The following RARRES1 variants were observed in gnomAD, a reference collection of about 807,000 sequenced individuals.
The protein encoded by RARRES1 is retinoic acid receptor responder 1, also known as retinoic acid receptor responder protein 1.
RARRES1 carries 34 observed loss-of-function variants against 30.6 expected under a neutral mutation model. The ratio of observed to expected loss-of-function variants is 1.11; its 90% CI spans 0.84 to 1.48. RARRES1 has a LOEUF of 1.48. Among genes scored for constraint, RARRES1 ranks in the 40% most tolerant of loss-of-function variants. The pLI is 0.00. For missense variants in RARRES1, 373 were observed against 386.5 expected (o/e 0.97, Z 0.29); for synonymous variants, 153 against 155.5 (o/e 0.98, Z 0.12).
rs551887608 is a variant in RARRES1 at position 158,732,230 on chromosome 3, CGCCTGCTGCAGGA to C, written c.173_185del (p.Leu58ArgfsTer82). The C allele has an allele frequency of 3.6e-4, 500 of 1,400,694 alleles. 1 individual carries two copies. The East Asian group carries it at 9.0e-3, about 25-fold the overall frequency. 86.8% of individuals were successfully genotyped at this position (1,400,694 alleles called of 1,614,324 possible). Reference sequence around the variant, plus strand: ...TGAAGAAGTGAAGCGCCGCGCGCGCCGCCTGCTGCAGGAGCCTGCGCGGGACCCCAGCATCCTG... The same window carrying C: ...TGAAGAAGTGAAGCGCCGCGCGCGCCGCCTGCGCGGGACCCCAGCATCCTG... On this transcript the variant is annotated frameshift_variant, in exon 1 of 6. Coordinates refer to ENST00000237696, the MANE Select transcript of RARRES1 (RefSeq NM_206963.2). LOFTEE classifies it high-confidence loss of function.
At chr3:158,722,694 A>C (rs1727555891) in intron 1 of RARRES1, among the ~76,000 whole-genome samples, 1 of 152,056 alleles carries the variant, frequency 6.6e-6, no homozygotes, top group Non-Finnish European at 1.5e-5. Context: ...CATCCTGGCT[A>C]ACATGGTGAA....
At chr3:158,698,089 C>G (rs1356328386) in intron 4 of RARRES1, 119 bp from the exon 5 acceptor site, 10 of 690,098 alleles carry the variant, frequency 1.4e-5, no homozygotes, top group Admixed American at 3.4e-5. Context: ...TCGATTTCAG[C>G]CTCACGGTTT....
At chr3:158,699,434 A>AC (rs139216148) in intron 4 of RARRES1, among the ~76,000 whole-genome samples, 60,462 of 137,292 alleles carry the variant, frequency 0.44, 12,642 homozygotes, top group South Asian at 0.47. Context: ...CAAAAAAGCA[A>AC]CCCCCCCCCC....
At chr3:158,710,005 T>C (rs1046069678) in intron 3 of RARRES1, among the ~76,000 whole-genome samples, 2 of 152,218 alleles carry the variant, frequency 1.3e-5, no homozygotes, top group African/African-American at 4.8e-5. Context: ...AGTGTAAGGC[T>C]GTGATGAGCA....
At chr3:158,727,199 G>A (rs1727722384) in intron 1 of RARRES1, among the ~76,000 whole-genome samples, 1 of 152,210 alleles carries the variant, frequency 6.6e-6, no homozygotes, top group South Asian at 2.1e-4. Flanking sequence ...AATGACCAGT[G>A]CAGACTGGAA....
At chr3:158,711,452 C>T (rs1432341401) in intron 2 of RARRES1, among the ~76,000 whole-genome samples, 1 of 152,136 alleles carries the variant, frequency 6.6e-6, no homozygotes, top group Non-Finnish European at 1.5e-5. Flanking sequence ...CAGGGCTTGA[C>T]CTCACTTCTA....
At chr3:158,707,513 A>G (rs1443935772) in intron 3 of RARRES1, among the ~76,000 whole-genome samples, 5 of 152,184 alleles carry the variant, frequency 3.3e-5, no homozygotes, top group Non-Finnish European at 5.9e-5. Context: ...CAAGGGTATA[A>G]AAGGAGTCTT....
At chr3:158,704,546 T>G in intron 4 of RARRES1, 1 of 453,702 alleles carries the variant, frequency 2.2e-6, no homozygotes, top group Non-Finnish European at 3.6e-6. Context: ...ATTAGCTCAC[T>G]GTCTCTTTTT....
chr3:158,710,988 GCA>G, intron 2 of RARRES1, 55 bp from the exon 3 acceptor site: 1 of 1,479,194 alleles, frequency 6.8e-7, no homozygotes, highest in Non-Finnish European at 9.4e-7. Context: ...GTGCACACAA[GCA>G]CACACAAGAT....
In RARRES1 at chr3:158,696,958, G is replaced by A. The variant is rs1726564945; in HGVS notation, c.*720C>T. On this transcript the variant is annotated 3_prime_UTR_variant, in exon 6 of 6. Transcript: ENST00000237696. Reference sequence around the variant, plus strand: ...CAGTTACATCAGTGTTTCTTTTGATGCATGTTTGCAGACAGCTTTATCTGG... The same window carrying A: ...CAGTTACATCAGTGTTTCTTTTGATACATGTTTGCAGACAGCTTTATCTGG... The A allele has an allele frequency of 6.6e-6, 1 of 152,148 alleles. No individual in the cohort carries two copies. The highest frequency in any genetic ancestry group is 6.5e-5 in the Admixed American group (1 of 15,272). The allele number at this position is 152,148 out of a possible 1,614,324, so 9.4% of individuals were successfully genotyped here.
At chr3:158,706,549 A>G (rs1340020757) in intron 3 of RARRES1, among the ~76,000 whole-genome samples, 1 of 152,202 alleles carries the variant, frequency 6.6e-6, no homozygotes, top group African/African-American at 2.4e-5. Context: ...GCAGTTGAGT[A>G]GTAAGTGTGG....
rs114063247 is a variant in RARRES1, at chr3:158,720,934, G to T, written c.277-7075C>A. 3.8e-3 allele frequency among the ~76,000 whole-genome samples: 572 copies of T among 152,230 alleles called. 5 individuals are homozygous for T. The highest frequency in any genetic ancestry group is 0.013 in the African/African-American group (543 of 41,520). On this transcript the variant is annotated intron_variant, in intron 1 of 5. Transcript: ENST00000237696. Reference sequence around the variant, plus strand: ...TAAGGTCACATTCTTAGTCACTGAGGGTTAGAACTTTTTGGATATAACATT... The same window carrying T: ...TAAGGTCACATTCTTAGTCACTGAGTGTTAGAACTTTTTGGATATAACATT...
chr3:158,704,819 AAGT>A lies in RARRES1; in HGVS notation c.641_643del (p.Tyr214del), dbSNP rs1312982407. ...CTGCCTCACACTAGTGAGCTGTGCC[AAGT>A]AGTAGTGTGACACCTGTGTTGTCAT... is the stretch of plus-strand genomic sequence containing the variant. On this transcript the variant is annotated inframe_deletion, in exon 4 of 6. Coordinates refer to ENST00000237696, the MANE Select transcript of RARRES1 (RefSeq NM_206963.2). 1 of 1,614,060 alleles carries A rather than the reference AAGT, an allele frequency of 6.2e-7. No individual in the cohort carries two copies.
intron 3 of RARRES1, among the ~76,000 whole-genome samples, chr3:158,708,348 A>G (rs1159647498): frequency 6.6e-6 from 1 of 152,226 alleles, no homozygotes; most frequent in African/African-American, 2.4e-5. Context: ...CAGTTATACT[A>G]AATACCATGA....
At chr3:158,708,687 C>A (rs994032454) in intron 3 of RARRES1, among the ~76,000 whole-genome samples, 1 of 151,090 alleles carries the variant, frequency 6.6e-6, no homozygotes, top group African/African-American at 2.4e-5. Context: ...TTTTTTGAGA[C>A]GGAGTTTCGC....
chr3:158,728,262 A>G (rs2108155869), intron 1 of RARRES1, among the ~76,000 whole-genome samples: 1 of 151,606 alleles, frequency 6.6e-6, no homozygotes, highest in South Asian at 2.1e-4. Flanking sequence ...AACCCTAGTG[A>G]GCCCTTAGTT....
intron 4 of RARRES1, chr3:158,704,516 C>G (rs983076220): frequency 2.9e-6 from 1 of 341,068 alleles, no homozygotes; most frequent in African/African-American, 2.1e-5. Flanking sequence ...CATTTACCAT[C>G]ATATGATACA....
chr3:158,732,095 C>G, intron 1 of RARRES1, 45 bp downstream of exon 1: 1 of 1,301,552 alleles, frequency 7.7e-7, no homozygotes, highest in Non-Finnish European at 9.7e-7. Context: ...CAGCGCCGTG[C>G]GCGGACAGGC....
intron 1 of RARRES1, among the ~76,000 whole-genome samples, chr3:158,717,981 A>T (rs1291686214): frequency 6.9e-6 from 1 of 144,472 alleles, no homozygotes; most frequent in Admixed American, 6.9e-5. Context: ...TATTAAGACA[A>T]TTTTTTTTTT....
Sources: gnomAD v4.1 joint callset for allele counts (sites outside exome capture counted in the v4.1 genomes callset) on GRCh38, gnomAD v4.1.1 for gene constraint, MANE v1.5 for transcripts, NCBI Gene and HGNC (gene_info 2026-07-23, HGNC 2026-07-21) for gene names.